Variants in PINX1 observed in about 807,000 individuals in gnomAD.
PINX1 encodes PIN2/TERF1-interacting telomerase inhibitor 1.
Under a neutral mutation model 25.4 loss-of-function variants are expected in PINX1, and 34 were observed. That is an observed-to-expected ratio of 1.34 (90% confidence interval 1.02 to 1.78). The LOEUF is 1.78. Among genes scored for constraint, PINX1 ranks in the 40% most tolerant of loss-of-function variants. PINX1 has a pLI of 0.00. For synonymous variants in PINX1, 197 were observed against 147.7 expected, an observed-to-expected ratio of 1.33 and a Z score of -2.42; for missense variants, 592 against 404.9, an observed-to-expected ratio of 1.46 and a Z score of -3.97.
intron 6 of PINX1, among the ~76,000 whole-genome samples, chr8:10,768,913 A>G (rs1457474970): frequency 6.6e-6 from 1 of 152,224 alleles, no homozygotes; most frequent in African/African-American, 2.4e-5. Flanking sequence ...TGAGAAAACA[A>G]GTTACTTTTA....
intron 6 of PINX1, among the ~76,000 whole-genome samples, chr8:10,810,218 G>A (rs1272239134): frequency 3.9e-5 from 6 of 152,192 alleles, no homozygotes; most frequent in Non-Finnish European, 5.9e-5. Flanking sequence ...GGGGACACAC[G>A]TCCAAACCAT....
chr8:10,771,040 C>A (rs1222102877), intron 6 of PINX1, among the ~76,000 whole-genome samples: 5 of 152,200 alleles, frequency 3.3e-5, no homozygotes, highest in Non-Finnish European at 5.9e-5. Flanking sequence ...ACTGCCACCA[C>A]AGCCTGTCTG....
Position 10,765,424 on chromosome 8 carries a change from T to G in PINX1, c.964A>C (p.Lys322Gln), listed in dbSNP as rs764194432. The G allele has an allele frequency of 1.9e-6, 3 of 1,605,764 alleles. No homozygotes were observed. The South Asian group carries it at 3.3e-5, about 18-fold the overall frequency. ...ATTCATTTGGAATCTTTCTTCTTCT[T>G]CTTTTTCACTAGCGTTTCTTCTAGT... ...ATLEETLVKK[K>Q]KKKDSK The change falls in exon 7 of 7, where the codon AAG becomes CAG. Residue 322 changes from lysine (K) to glutamine (Q), a missense_variant. Lys to Gln is a moderately conservative substitution (Grantham distance 53, BLOSUM62 1). Coordinates refer to ENST00000314787, the MANE Select transcript of PINX1 (RefSeq NM_017884.6).
intron 6 of PINX1, among the ~76,000 whole-genome samples, chr8:10,802,732 G>A (rs1802308306): frequency 6.6e-6 from 1 of 152,150 alleles, no homozygotes; most frequent in Non-Finnish European, 1.5e-5. Context: ...TCTATGAAGG[G>A]AATGTACCAG....
intron 4 of PINX1, among the ~76,000 whole-genome samples, chr8:10,830,225 T>G (rs753295584): frequency 1.4e-4 from 21 of 152,232 alleles, no homozygotes; most frequent in Non-Finnish European, 1.2e-4. Context: ...CATGATCCTA[T>G]GGATAAGGAA....
At chr8:10,766,243 C>G (rs943649898) in intron 6 of PINX1, among the ~76,000 whole-genome samples, 7 of 152,184 alleles carry the variant, frequency 4.6e-5, no homozygotes, top group African/African-American at 1.7e-4. Flanking sequence ...AAATGTCTCC[C>G]TAGAAACAAG....
At chr8:10,825,823 C>A (rs7841093) in intron 5 of PINX1, among the ~76,000 whole-genome samples, 43,841 of 152,106 alleles carry the variant, frequency 0.29, 6,532 homozygotes, top group Middle Eastern at 0.39. Context: ...AAATGTTGGG[C>A]AAGAAATTAA....
At chr8:10,804,341 G>A (rs1267281204) in intron 6 of PINX1, among the ~76,000 whole-genome samples, 2 of 152,156 alleles carry the variant, frequency 1.3e-5, no homozygotes, top group African/African-American at 4.8e-5. Context: ...GAGCCAGAAC[G>A]TGCTCAGGGG....
intron 6 of PINX1, chr8:10,787,619 T>C (rs1448764003): frequency 3.1e-6 from 1 of 325,622 alleles, no homozygotes; most frequent in South Asian, 2.7e-5. Context: ...GCAAGAACCA[T>C]TTACCTTTTG....
At chr8:10,770,919 A>G (rs1047524818) in intron 6 of PINX1, among the ~76,000 whole-genome samples, 3 of 152,166 alleles carry the variant, frequency 2.0e-5, no homozygotes, top group Non-Finnish European at 2.9e-5. Flanking sequence ...TGCAACAGTA[A>G]TCCTTCAATG....
intron 5 of PINX1, among the ~76,000 whole-genome samples, chr8:10,823,597 T>C (rs1586198135): frequency 6.6e-6 from 1 of 152,118 alleles, no homozygotes; most frequent in African/African-American, 2.4e-5. Flanking sequence ...TTTAAAATTA[T>C]ACAATAAATT....
intron 6 of PINX1, among the ~76,000 whole-genome samples, chr8:10,792,499 T>C (rs1352259327): frequency 6.6e-6 from 1 of 152,020 alleles, no homozygotes; most frequent in Non-Finnish European, 1.5e-5. Flanking sequence ...AGACTGTGCC[T>C]CTTCTTCACA....
rs774685467 is a variant in PINX1, at chr8:10,826,216, A to G, written c.330T>C (p.Ser110=). The G allele has an allele frequency of 1.3e-6, 2 of 1,593,632 alleles. No individual in the cohort carries two copies. Among genetic ancestry groups the G allele is most frequent in the Non-Finnish European group, 1.7e-6 (2 of 1,164,754 alleles). Residue 110 remains serine, a synonymous_variant, in exon 5 of 7, where the codon TCT becomes TCC. Transcript: ENST00000314787. ...TDSSDKKEKK[S]FSLEEKSKIS... ...TTTTGGACTTTTCCTCAAGGCTAAA[A>G]GATTTCTTTTCCTTCTTGTCCGAGG...
intron 6 of PINX1, among the ~76,000 whole-genome samples, chr8:10,800,980 G>A (rs1802248043): frequency 1.3e-5 from 2 of 152,152 alleles, no homozygotes; most frequent in East Asian, 3.9e-4. Flanking sequence ...GCGGCCCCTG[G>A]GGGAGTCCCT....
chr8:10,788,578 GA>G (rs935503890), intron 6 of PINX1, among the ~76,000 whole-genome samples: 1 of 151,526 alleles, frequency 6.6e-6, no homozygotes, highest in African/African-American at 2.4e-5. Context: ...AAAAAAACAG[GA>G]AAAAAAAGTG....
At chr8:10,814,304 A>G (rs886130920) in intron 6 of PINX1, among the ~76,000 whole-genome samples, 23 of 152,338 alleles carry the variant, frequency 1.5e-4, no homozygotes, top group Middle Eastern at 3.4e-3. Context: ...GTTCGTGATG[A>G]TCTTTCACCA....
intron 6 of PINX1, among the ~76,000 whole-genome samples, chr8:10,773,291 T>C (rs1801287868): frequency 1.3e-5 from 2 of 152,206 alleles, no homozygotes; most frequent in Non-Finnish European, 1.5e-5. Flanking sequence ...GTCCTCAAGC[T>C]CTGTCTCCTG....
chr8:10,765,767 C>A lies in PINX1; in HGVS notation c.621G>T (p.Val207=), dbSNP rs1233844592. The part of the protein sequence containing the change: ...VPGSDISETQ[V]ERKRGKKRNK... ...TTCTTTTCTTCCCCCTTTTACGTTC[C>A]ACCTGCGTCTCAGAAATGTCAGACC... Residue 207 remains valine, a synonymous_variant, in exon 7 of 7, where the codon GTG becomes GTT. Transcript: ENST00000314787. The A allele has an allele frequency of 4.3e-6, 7 of 1,613,820 alleles. No individual in the cohort carries two copies. Among genetic ancestry groups the A allele is most frequent in the Non-Finnish European group, 5.9e-6 (7 of 1,179,912 alleles).
At chr8:10,821,030 T>C (rs1206111657) in intron 5 of PINX1, among the ~76,000 whole-genome samples, 1 of 152,224 alleles carries the variant, frequency 6.6e-6, no homozygotes, top group Non-Finnish European at 1.5e-5. Flanking sequence ...TACCCAATAA[T>C]CCTCTGTGAG....
Sources: allele counts gnomAD v4.1 joint callset (sites outside exome capture counted in the v4.1 genomes callset), GRCh38; gene constraint gnomAD v4.1.1; transcripts MANE v1.5; gene names NCBI Gene and HGNC (gene_info 2026-07-23, HGNC 2026-07-21).